NAIP: variants seen among roughly 807,000 people sequenced by gnomAD.
The protein encoded by NAIP is baculoviral IAP repeat-containing protein 1.
Under a neutral mutation model 23.0 loss-of-function variants are expected in NAIP, and 15 were observed. That is an observed-to-expected ratio of 0.65 (90% CI 0.44 to 1.00). The LOEUF is 1.00. Among genes scored for constraint, NAIP ranks in the 50% least tolerant of loss-of-function variants. NAIP has a pLI of 0.00. For missense variants in NAIP, 265 were observed against 278.8 expected (o/e 0.95, Z 0.35); for synonymous variants, 100 against 100.2 (o/e 1.00, Z 0.01).
Position 70,969,831 on chromosome 5 carries a change from C to G in NAIP, c.*273G>C. ...GACAATGGAGGGTTTGCTGTATAAA[C>G]TTGATTGAAGGGTTTGCCTTTAGCT... On this transcript the variant is annotated 3_prime_UTR_variant, in exon 17 of 17. Coordinates refer to ENST00000517649, the MANE Select transcript of NAIP (RefSeq NM_004536.3). 1 of 589,404 alleles carries G rather than the reference C, an allele frequency of 1.7e-6. No homozygotes were observed. The highest frequency in any genetic ancestry group is 3.0e-6 in the Non-Finnish European group (1 of 334,454). 36.5% of individuals were successfully genotyped at this position (589,404 alleles called of 1,614,324 possible).
intron 16 of NAIP, among the ~76,000 whole-genome samples, chr5:70,972,938 T>C (rs1475821192): frequency 1.7e-5 from 1 of 59,352 alleles, no homozygotes; most frequent in Non-Finnish European, 3.0e-5. Context: ...TCTCGTTCTG[T>C]TGCCCAGGCT....
chr5:71,014,917 A>T (rs555776935), intron 3 of NAIP, among the ~76,000 whole-genome samples: 1 of 151,756 alleles, frequency 6.6e-6, no homozygotes, highest in Non-Finnish European at 1.5e-5. Flanking sequence ...AAACAAAAAA[A>T]AGATATAGTA....
intron 5 of NAIP, among the ~76,000 whole-genome samples, chr5:71,010,971 G>A (rs1284406208): frequency 6.6e-6 from 1 of 151,146 alleles, no homozygotes; most frequent in Non-Finnish European, 1.5e-5. Flanking sequence ...AGTGGCTCAC[G>A]CCTGTAATCC....
At chr5:71,009,362 CAAAAAAAA>C (rs555440243) in intron 5 of NAIP, among the ~76,000 whole-genome samples, 1 of 99,680 alleles carries the variant, frequency 1.0e-5, no homozygotes, top group Non-Finnish European at 1.9e-5. Context: ...AACTCACTCT[CAAAAAAAA>C]AAAAAAAAGA....
At chr5:71,017,617 C>T (rs866608193) in intron 3 of NAIP, among the ~76,000 whole-genome samples, 879 of 83,330 alleles carry the variant, frequency 0.011, 1 homozygote, top group South Asian at 0.037. Context: ...TTTGACTCAC[C>T]GCAACCTCTG....
intron 13 of NAIP, among the ~76,000 whole-genome samples, chr5:70,978,314 A>AT (rs1750396768): frequency 1.3e-5 from 2 of 148,332 alleles, no homozygotes; most frequent in South Asian, 2.1e-4. Context: ...TACTTGGCTA[A>AT]TTTTTTATTT....
rs755668601 is a variant in NAIP, at chr5:71,012,857, A to G, written c.59T>C (p.Leu20Pro). The change falls in exon 4 of 17, where the codon CTG (leucine) becomes CCG (proline). Residue 20 changes from leucine to proline, a missense_variant. Around this residue, in one of 2 missense-constraint regions of NAIP, gnomAD observed 261 missense variants for 259.2 expected, o/e 1.01. Transcript: ENST00000517649. ...GCCCAGAAGAGCAGACAGCTCTGGC[A>G]GCAAATTGTGATCAAACTGGGAGAT... Reference protein sequence around the residue: ...ERISQFDHNLLPELSALLGLD... With the variant: ...ERISQFDHNLPPELSALLGLD... The G allele has an allele frequency of 2.5e-6, 4 of 1,609,666 alleles. No individual in the cohort carries two copies. Among genetic ancestry groups the G allele is most frequent in the Non-Finnish European group, 8.5e-7 (1 of 1,177,728 alleles).
intron 5 of NAIP, among the ~76,000 whole-genome samples, 164 bp downstream of exon 5, chr5:71,011,111 T>C (rs1751132048): frequency 6.6e-6 from 1 of 150,680 alleles, no homozygotes; most frequent in African/African-American, 2.4e-5. Flanking sequence ...TGCACACCTA[T>C]AATCCCAGCT....
At chr5:70,977,706 G>C (rs1580908736) in intron 13 of NAIP, among the ~76,000 whole-genome samples, 1 of 109,026 alleles carries the variant, frequency 9.2e-6, no homozygotes, top group Non-Finnish European at 1.9e-5. Flanking sequence ...ACTATACAAA[G>C]AAACAGCTGG....
chr5:71,011,778 T>C, intron 4 of NAIP: 1 of 449,410 alleles, frequency 2.2e-6, no homozygotes, highest in African/African-American at 2.0e-5. Context: ...TGAGCCTCCA[T>C]GAACTCAGCT....
At chr5:70,978,111 A>ACG (rs1321340613) in intron 13 of NAIP, among the ~76,000 whole-genome samples, 7 of 7,034 alleles carry the variant, frequency 1.0e-3, no homozygotes, top group African/African-American at 2.1e-3. Context: ...ATATGTATGC[A>ACG]CACACACACA....
At chr5:71,017,479 G>A (rs2112942606) in intron 3 of NAIP, among the ~76,000 whole-genome samples, 1 of 120,232 alleles carries the variant, frequency 8.3e-6, no homozygotes, top group Non-Finnish European at 2.0e-5. Flanking sequence ...GCTCACACCT[G>A]TAATCCCAGC....
intron 13 of NAIP, among the ~76,000 whole-genome samples, chr5:70,978,786 T>C (rs1306874126): frequency 1.7e-5 from 1 of 58,904 alleles, no homozygotes; most frequent in Non-Finnish European, 2.8e-5. Flanking sequence ...ATTAGGGATT[T>C]CTTTCTTTTT....
intron 5 of NAIP, 111 bp downstream of exon 5, chr5:71,011,164 G>A (rs1751133625): frequency 1.3e-6 from 1 of 754,144 alleles, no homozygotes; most frequent in Non-Finnish European, 2.1e-6. Context: ...ACCAGGGAGG[G>A]AGAATTTGCA....
At chr5:71,008,726 C>T (rs1750994100) in intron 5 of NAIP, among the ~76,000 whole-genome samples, 1 of 78,208 alleles carries the variant, frequency 1.3e-5, no homozygotes, top group Non-Finnish European at 2.3e-5. Flanking sequence ...ATCGCTTGAA[C>T]CCAGGAGGCA....
At chr5:71,008,192 C>A (rs928715221) in intron 5 of NAIP, among the ~76,000 whole-genome samples, 1 of 149,682 alleles carries the variant, frequency 6.7e-6, no homozygotes, top group Non-Finnish European at 1.5e-5. Flanking sequence ...GCCTCAGCCT[C>A]CCAAGTAGCT....
At chr5:70,977,566 G>A (rs1213633101) in intron 13 of NAIP, among the ~76,000 whole-genome samples, 1 of 134,962 alleles carries the variant, frequency 7.4e-6, no homozygotes, top group Non-Finnish European at 1.6e-5. Flanking sequence ...TCGGGAGGCC[G>A]AGGCAGGAGA....
chr5:71,002,262 T>C, intron 6 of NAIP, 119 bp from the exon 7 acceptor site: 1 of 409,466 alleles, frequency 2.4e-6, no homozygotes, highest in South Asian at 2.2e-5. Flanking sequence ...GGTTCTCGTC[T>C]CACTGCAACC....
intron 3 of NAIP, among the ~76,000 whole-genome samples, chr5:71,014,255 T>C (rs1484901582): frequency 6.6e-6 from 1 of 151,102 alleles, no homozygotes; most frequent in African/African-American, 2.4e-5. Context: ...GTGCCACCAA[T>C]TGCGGCTAAT....
Sources: allele counts gnomAD v4.1 joint callset (sites outside exome capture counted in the v4.1 genomes callset), GRCh38; gene constraint gnomAD v4.1.1; regional missense constraint gnomAD v4.1.1; transcripts MANE v1.5; gene names NCBI Gene and HGNC (gene_info 2026-07-23, HGNC 2026-07-21).